The following ZBTB8B variants were observed in gnomAD, a reference collection of about 807,000 sequenced individuals.
The protein encoded by ZBTB8B is zinc finger and BTB domain containing 8B.
In ZBTB8B, 17 loss-of-function variants were observed where a neutral mutation model predicts 30.3. The ratio of observed to expected loss-of-function variants is 0.56; its 90% CI spans 0.38 to 0.84. The LOEUF (loss-of-function observed/expected upper bound fraction) is 0.84. Ranked by LOEUF, ZBTB8B falls within the 40% of genes least tolerant of loss-of-function variation. ZBTB8B has a pLI of 0.00. For missense variants in ZBTB8B, 515 were observed against 644.9 expected (o/e 0.80, Z 2.18); for synonymous variants, 248 against 255.6 (o/e 0.97, Z 0.28).
rs1040902378 is a variant in ZBTB8B, at chr1:32,484,806, A to G, written c.1171-295A>G. Among the ~76,000 whole-genome samples the G allele has an allele frequency of 2.0e-5, 3 of 151,878 alleles. No individual in the cohort carries two copies. Among genetic ancestry groups the G allele is most frequent in the Admixed American group, 6.6e-5 (1 of 15,254 alleles). ...GGCTCCCCCTTTGTCTTCTGCCACA[A>G]TTGTAAGTTTCCTGAGGCCTCCCTA... On this transcript the variant is annotated intron_variant, in intron 3 of 3. Coordinates refer to ENST00000609129, the MANE Select transcript of ZBTB8B (RefSeq NM_001145720.2). The surrounding 1 kb of genome is among the most constrained non-coding windows in gnomAD (Gnocchi z 4.5).
chr1:32,493,101 T>A lies in ZBTB8B; in HGVS notation c.*7683T>A, dbSNP rs1570268400. ...GTTATGCAAAAATATATACTATACATAGAATATCAGAATGTTGTAGTCTTT... is the reference window on the plus strand; with the variant it reads ...GTTATGCAAAAATATATACTATACAAAGAATATCAGAATGTTGTAGTCTTT... On this transcript the variant is annotated 3_prime_UTR_variant, in exon 4 of 4. Transcript: ENST00000609129. 1 of 152,274 alleles carries A rather than the reference T, an allele frequency of 6.6e-6. No homozygotes were observed. The highest frequency in any genetic ancestry group is 2.1e-4 in the South Asian group (1 of 4,822). The allele number at this position is 152,274 out of a possible 1,614,324, so 9.4% of individuals were successfully genotyped here.
At position 32,492,838 on chromosome 1, in the gene ZBTB8B, T is replaced by C. The variant is rs774754102; in HGVS notation, c.*7420T>C. On this transcript the variant is annotated 3_prime_UTR_variant, in exon 4 of 4. Coordinates refer to ENST00000609129, the MANE Select transcript of ZBTB8B (RefSeq NM_001145720.2). ...AGAGACTGGCAGTTATAACACGGCA[T>C]GTTGGGTGTGACAACAGGGACAAGC... 14 of 152,230 alleles carry C rather than the reference T, an allele frequency of 9.2e-5. No homozygotes were observed. The highest frequency in any genetic ancestry group is 1.9e-4 in the Non-Finnish European group (13 of 68,052). 9.4% of individuals were successfully genotyped at this position (152,230 alleles called of 1,614,324 possible). A position where few individuals can be genotyped will look rare whatever the true frequency, so the allele number is the denominator to read the frequency against.
chr1:32,476,169 G>A (rs767863772), intron 2 of ZBTB8B, among the ~76,000 whole-genome samples: 13 of 151,216 alleles, frequency 8.6e-5, no homozygotes, highest in Non-Finnish European at 1.5e-4. Context: ...AGGGTCTCAC[G>A]CTGTCACCCA....
intron 3 of ZBTB8B, among the ~76,000 whole-genome samples, chr1:32,483,630 C>T (rs932114496): frequency 2.0e-5 from 3 of 151,870 alleles, no homozygotes; most frequent in Admixed American, 6.6e-5. Context: ...ACCAACATGG[C>T]ATGTGTATAC....
rs1339716000 is a variant in ZBTB8B at position 32,480,967 on chromosome 1, C to G, written c.1068C>G (p.Leu356=). The change falls in exon 3 of 4, where the codon CTC becomes CTG. Residue 356 remains leucine, a synonymous_variant. Transcript: ENST00000609129. ...ACACTGCCAAACAGAAGGGCATCCTCAAGCGGCACATCCGTTCACACACAG... is the reference window on the plus strand; with the variant it reads ...ACACTGCCAAACAGAAGGGCATCCTGAAGCGGCACATCCGTTCACACACAG... The part of the protein sequence containing the change: ...CPYTAKQKGI[L]KRHIRSHTGE... The G allele has an allele frequency of 2.6e-6, 4 of 1,552,330 alleles. No individual in the cohort carries two copies. Among genetic ancestry groups the G allele is most frequent in the Non-Finnish European group, 2.6e-6 (3 of 1,147,184 alleles).
intron 1 of ZBTB8B, among the ~76,000 whole-genome samples, chr1:32,466,139 G>T (rs1455343509): frequency 6.6e-6 from 1 of 152,198 alleles, no homozygotes. Flanking sequence ...TGAGGAGCAG[G>T]TTTTTGTTAT....
rs569116730 is a variant in ZBTB8B at position 32,495,664 on chromosome 1, A to C, written c.*10246A>C. 21 of 152,326 alleles carry C rather than the reference A, an allele frequency of 1.4e-4. No individual in the cohort carries two copies. Among genetic ancestry groups the C allele is most frequent in the African/African-American group, 4.6e-4 (19 of 41,564 alleles). 9.4% of individuals were successfully genotyped at this position (152,326 alleles called of 1,614,324 possible). A position where few individuals can be genotyped will look rare whatever the true frequency, so the allele number is the denominator to read the frequency against. On this transcript the variant is annotated 3_prime_UTR_variant, in exon 4 of 4. Transcript: ENST00000609129. ...CCGTCCCAAATTTGAAGCTGACCTG[A>C]ATTTGGTACCTATAAATTTAAAATG...
Position 32,485,087 on chromosome 1 carries a change from G to A in ZBTB8B, c.1171-14G>A, listed in dbSNP as rs1235484842. The A allele has an allele frequency of 2.6e-5, 41 of 1,550,152 alleles. No individual in the cohort carries two copies. Among genetic ancestry groups the A allele is most frequent in the Middle Eastern group, 1.7e-4 (1 of 6,014 alleles). On this transcript the variant is annotated splice_polypyrimidine_tract_variant and intron_variant, in intron 3 of 3. Transcript: ENST00000609129. Reference sequence around the variant, plus strand: ...CTTTTCTGTGACATCTACTGTGTCTGCTTGTGATTACAGGTCCACAGATCC... The same window carrying A: ...CTTTTCTGTGACATCTACTGTGTCTACTTGTGATTACAGGTCCACAGATCC...
Position 32,487,188 on chromosome 1 carries a change from A to T in ZBTB8B, c.*1770A>T, listed in dbSNP as rs1643752008. The T allele has an allele frequency of 6.6e-6, 1 of 152,216 alleles. No individual in the cohort carries two copies. Among genetic ancestry groups the T allele is most frequent in the Non-Finnish European group, 1.5e-5 (1 of 68,036 alleles). The allele number at this position is 152,216 out of a possible 1,614,324, so 9.4% of individuals were successfully genotyped here. On this transcript the variant is annotated 3_prime_UTR_variant, in exon 4 of 4. Transcript: ENST00000609129. ...CAAAAACATTATAAATTGGCTTGTA[A>T]ATGTTAGCCAAAGCATTAGACAGGT...
intron 2 of ZBTB8B, among the ~76,000 whole-genome samples, chr1:32,479,999 T>G (rs1260640966): frequency 2.0e-5 from 3 of 152,188 alleles, no homozygotes; most frequent in Non-Finnish European, 4.4e-5. Context: ...GGAACTACTG[T>G]CCAAGAAAGC....
At position 32,477,359 on chromosome 1, in the gene ZBTB8B, A is replaced by C. The variant is rs150051634; in HGVS notation, c.992-3532A>C. Among the ~76,000 whole-genome samples the C allele has an allele frequency of 7.6e-3, 1,160 of 152,324 alleles. 18 individuals are homozygous for C. The highest frequency in any genetic ancestry group is 0.023 in the African/African-American group (976 of 41,570). ...GGATTCAGGTGAACTGTGGTATTGGAGTGAGATCAGGAAAGGGGAAGAAAG... is the reference window on the plus strand; with the variant it reads ...GGATTCAGGTGAACTGTGGTATTGGCGTGAGATCAGGAAAGGGGAAGAAAG... On this transcript the variant is annotated intron_variant, in intron 2 of 3. Coordinates refer to ENST00000609129, the MANE Select transcript of ZBTB8B (RefSeq NM_001145720.2).
In ZBTB8B at chr1:32,485,617, T is replaced by G. The variant is rs1178611937; in HGVS notation, c.*199T>G. On this transcript the variant is annotated 3_prime_UTR_variant, in exon 4 of 4. Coordinates refer to ENST00000609129, the MANE Select transcript of ZBTB8B (RefSeq NM_001145720.2). ...CAGATAACCTTTTTGTGTGGTGCCC[T>G]TGGTTTCTGAGGGCTTTGCTGGCCA... The G allele has an allele frequency of 6.5e-6, 4 of 612,606 alleles. No homozygotes were observed. The highest frequency in any genetic ancestry group is 1.1e-5 in the Non-Finnish European group (4 of 358,416). 37.9% of individuals were successfully genotyped at this position (612,606 alleles called of 1,614,324 possible).
intron 2 of ZBTB8B, 110 bp from the exon 3 acceptor site, chr1:32,480,781 C>T: frequency 3.7e-6 from 4 of 1,081,768 alleles, no homozygotes; most frequent in Non-Finnish European, 5.2e-6. Context: ...GTGTCCTCCT[C>T]TTCTATCTGG....
chr1:32,481,124 T>A, intron 3 of ZBTB8B, 55 bp downstream of exon 3: 1 of 1,451,444 alleles, frequency 6.9e-7, no homozygotes, highest in Non-Finnish European at 9.2e-7. Flanking sequence ...TGATATCATC[T>A]AATGGAAGGG....
rs978259850 is a variant in ZBTB8B, at chr1:32,490,185, A to T, written c.*4767A>T. On this transcript the variant is annotated 3_prime_UTR_variant, in exon 4 of 4. Transcript: ENST00000609129. ...GTGTCCCTTGTGCATTAAGAGAATG[A>T]TCTCTGTGAAGTCTAGTGTAATGGG... 2 of 152,068 alleles carry T rather than the reference A, an allele frequency of 1.3e-5. No homozygotes were observed. The highest frequency in any genetic ancestry group is 2.9e-5 in the Non-Finnish European group (2 of 68,050). The allele number at this position is 152,068 out of a possible 1,614,324, so 9.4% of individuals were successfully genotyped here. A position where few individuals can be genotyped will look rare whatever the true frequency, so the allele number is the denominator to read the frequency against.
chr1:32,477,738 CAA>C (rs544220090), intron 2 of ZBTB8B, among the ~76,000 whole-genome samples: 9 of 100,804 alleles, frequency 8.9e-5, no homozygotes, highest in Admixed American at 1.1e-4. Flanking sequence ...TCTGTCTCTA[CAA>C]AAAAAAAAAA....
At chr1:32,476,670 T>A (rs1339832828) in intron 2 of ZBTB8B, among the ~76,000 whole-genome samples, 1 of 151,594 alleles carries the variant, frequency 6.6e-6, no homozygotes, top group Non-Finnish European at 1.5e-5. Context: ...AGGCCTGTAG[T>A]CCCAGCTACT....
At chr1:32,471,736 T>C (rs1643622885) in intron 2 of ZBTB8B, 121 bp downstream of exon 2, 1 of 1,118,996 alleles carries the variant, frequency 8.9e-7, no homozygotes, top group Non-Finnish European at 1.2e-6. Flanking sequence ...ACATTATCAG[T>C]ACCATCATCA....
rs1292220839 is a variant in ZBTB8B, at chr1:32,471,472, C to T, written c.848C>T (p.Ala283Val). The T allele has an allele frequency of 1.4e-5, 21 of 1,551,676 alleles. No individual in the cohort carries two copies. The highest frequency in any genetic ancestry group is 2.4e-5 in the East Asian group (1 of 40,932). The change falls in exon 2 of 4, where the codon GCG becomes GTG. Residue 283 changes from alanine (A) to valine (V), a missense_variant. This residue lies in a region of ZBTB8B where 429 missense variants were observed against 504.3 expected (regional missense o/e 0.85). Transcript: ENST00000609129. Reference protein sequence around the residue: ...SNYHVKQFLEALLRNSAAPSK... With the variant: ...SNYHVKQFLEVLLRNSAAPSK... The stretch of plus-strand genomic sequence containing the variant: ...TACCACGTGAAGCAGTTCCTGGAGG[C>T]GCTCTTGCGCAACAGCGCTGCCCCG...
Sources: allele counts gnomAD v4.1 joint callset (sites outside exome capture counted in the v4.1 genomes callset), GRCh38; gene constraint gnomAD v4.1.1; regional missense constraint gnomAD v4.1.1; non-coding constraint Gnocchi (gnomAD v3.1); transcripts MANE v1.5; gene names NCBI Gene and HGNC (gene_info 2026-07-23, HGNC 2026-07-21).